The following MYO5B variants were observed in gnomAD, a reference collection of about 807,000 sequenced individuals.
The protein encoded by MYO5B is myosin VB, also known as unconventional myosin-Vb.
A neutral mutation model predicts 229.3 loss-of-function variants in MYO5B; 143 were observed. That is an observed-to-expected ratio of 0.62 (90% CI 0.54 to 0.72). The LOEUF (loss-of-function observed/expected upper bound fraction) is 0.72. Among genes scored for constraint, MYO5B ranks in the 30% least tolerant of loss-of-function variants. The pLI, the probability that MYO5B is intolerant of heterozygous loss-of-function variation, is 0.00. For missense variants in MYO5B, 2,321 were observed against 2,331.0 expected, an observed-to-expected ratio of 1.00 and a Z score of 0.09; for synonymous variants, 918 against 885.2, an observed-to-expected ratio of 1.04 and a Z score of -0.66.
intron 1 of MYO5B, among the ~76,000 whole-genome samples, chr18:50,127,147 GCTAGTTAGAGCCCC>G (rs1568117237): frequency 6.6e-6 from 1 of 152,144 alleles, no homozygotes; most frequent in East Asian, 1.9e-4. Context: ...AGTTTACATT[GCTAGTTAGAGCCCC>G]CTACTCTTCC....
At chr18:50,026,695 C>T (rs966805260) in intron 4 of MYO5B, among the ~76,000 whole-genome samples, 3 of 152,204 alleles carry the variant, frequency 2.0e-5, no homozygotes, top group African/African-American at 4.8e-5. Context: ...ATGAGGGATA[C>T]GACACCTATG....
chr18:49,944,490 C>G (rs1350195570), intron 14 of MYO5B, among the ~76,000 whole-genome samples: 1 of 152,102 alleles, frequency 6.6e-6, no homozygotes, highest in Non-Finnish European at 1.5e-5. Flanking sequence ...TAGCAGTGAG[C>G]TCAGAAGTAA....
chr18:49,957,960 C>G (rs1448235837), intron 12 of MYO5B, among the ~76,000 whole-genome samples: 1 of 152,186 alleles, frequency 6.6e-6, no homozygotes, highest in African/African-American at 2.4e-5. Context: ...GTCCTCACTG[C>G]TCTCTAGAAT....
chr18:50,090,234 A>G (rs965311737), intron 1 of MYO5B, among the ~76,000 whole-genome samples: 2 of 151,306 alleles, frequency 1.3e-5, no homozygotes, highest in Non-Finnish European at 2.9e-5. Flanking sequence ...CACCATCTAC[A>G]GGGGAAGCTG....
intron 1 of MYO5B, among the ~76,000 whole-genome samples, chr18:50,185,409 T>C (rs2033134714): frequency 6.6e-6 from 1 of 152,316 alleles, no homozygotes; most frequent in African/African-American, 2.4e-5. Flanking sequence ...TAAATGTGCA[T>C]GCCAGCAATT....
chr18:49,943,982 T>C (rs925080856), intron 14 of MYO5B, among the ~76,000 whole-genome samples: 1 of 152,068 alleles, frequency 6.6e-6, no homozygotes, highest in Non-Finnish European at 1.5e-5. Context: ...GCTCTGTGCA[T>C]TCGGGGGGCT....
At chr18:50,066,056 G>C (rs1178720914) in intron 1 of MYO5B, among the ~76,000 whole-genome samples, 1 of 152,144 alleles carries the variant, frequency 6.6e-6, no homozygotes, top group Non-Finnish European at 1.5e-5. Flanking sequence ...TCACATTACA[G>C]ATTTTTTTGA....
chr18:50,070,018 C>CTTTTTT lies in MYO5B; in HGVS notation c.28-14646_28-14641dup, dbSNP rs765610800. ...CTTACCTGAAATATTGCAATTTAGT[C>CTTTTTT]TTTTTTTTTTTTTTTTTTTTTGAGA... On this transcript the variant is annotated intron_variant, in intron 1 of 39. Transcript: ENST00000285039. 6.1e-3 allele frequency among the ~76,000 whole-genome samples: 673 copies of CTTTTTT among 110,036 alleles called. 21 individuals are homozygous for CTTTTTT. The highest frequency in any genetic ancestry group is 0.024 in the African/African-American group (635 of 26,476). 72.2% of individuals were successfully genotyped at this position (110,036 alleles called of 152,430 possible).
rs781662717 is a variant in MYO5B at position 49,980,560 on chromosome 18, A to C, written c.947-7T>G. ...TGATGGGACTCTTTCACTCCTGGAA[A>C]AGAAAAATGAATGGATGACACTCAG... On this transcript the variant is annotated splice_region_variant and splice_polypyrimidine_tract_variant and intron_variant, in intron 8 of 39. Coordinates refer to ENST00000285039, the MANE Select transcript of MYO5B (RefSeq NM_001080467.3). The C allele has an allele frequency of 7.0e-6, 11 of 1,571,892 alleles. No homozygotes were observed. Among genetic ancestry groups the C allele is most frequent in the Non-Finnish European group, 9.6e-6 (11 of 1,141,600 alleles).
intron 1 of MYO5B, among the ~76,000 whole-genome samples, chr18:50,128,350 C>T (rs1259072682): frequency 6.6e-6 from 1 of 152,174 alleles, no homozygotes; most frequent in Non-Finnish European, 1.5e-5. Flanking sequence ...CTGTGAGGTG[C>T]AACAGCTGAT....
In MYO5B at chr18:50,109,215, A is replaced by C. The variant is rs1172193699; in HGVS notation, c.28-53837T>G. Among the ~76,000 whole-genome samples, 5 of 152,340 alleles carry C rather than the reference A, an allele frequency of 3.3e-5. No individual in the cohort carries two copies. In the East Asian group the frequency reaches 9.6e-4, roughly 29 times the overall value. ...TGGCAACTGAATCCCAGCCAAGACTAGAAGCTACATGACAGACCACATACC... is the reference window on the plus strand; with the variant it reads ...TGGCAACTGAATCCCAGCCAAGACTCGAAGCTACATGACAGACCACATACC... On this transcript the variant is annotated intron_variant, in intron 1 of 39. Coordinates refer to ENST00000285039, the MANE Select transcript of MYO5B (RefSeq NM_001080467.3).
At chr18:50,111,106 A>C (rs1476606568) in intron 1 of MYO5B, among the ~76,000 whole-genome samples, 1 of 152,232 alleles carries the variant, frequency 6.6e-6, no homozygotes, top group African/African-American at 2.4e-5. Flanking sequence ...CAAATAGGCA[A>C]AAAAAGAAGA....
chr18:49,843,736 C>A (rs535367927), intron 33 of MYO5B, among the ~76,000 whole-genome samples: 1 of 152,178 alleles, frequency 6.6e-6, no homozygotes, highest in Non-Finnish European at 1.5e-5. Flanking sequence ...CCAACAGGGG[C>A]CCATGGCAAG....
chr18:49,854,786 G>A (rs1304513955), intron 30 of MYO5B, among the ~76,000 whole-genome samples: 1 of 152,174 alleles, frequency 6.6e-6, no homozygotes. Context: ...TTTGGGAGGT[G>A]AGAATTATCA....
chr18:49,938,020 T>C (rs1351312253), intron 14 of MYO5B, among the ~76,000 whole-genome samples: 1 of 152,188 alleles, frequency 6.6e-6, no homozygotes, highest in Non-Finnish European at 1.5e-5. Context: ...ATTTTTTAAA[T>C]GGTAGGAAAA....
Position 50,040,142 on chromosome 18 carries a change from C to T in MYO5B, c.310+1G>A. 1 of 1,614,104 alleles carries T rather than the reference C, an allele frequency of 6.2e-7. No individual in the cohort carries two copies. The highest frequency in any genetic ancestry group is 8.5e-7 in the Non-Finnish European group (1 of 1,180,006). On this transcript the variant is annotated splice_donor_variant, in intron 3 of 39. Coordinates refer to ENST00000285039, the MANE Select transcript of MYO5B (RefSeq NM_001080467.3). LOFTEE classifies it high-confidence loss of function. Reference sequence around the variant, plus strand: ...GCAGCCAACAGATGCCCCCCACTTACCACAGTAAGTGTAGATATGGTTGGA... The same window carrying T: ...GCAGCCAACAGATGCCCCCCACTTATCACAGTAAGTGTAGATATGGTTGGA...
In MYO5B at chr18:49,847,252, A is replaced by T; in HGVS notation, c.4353T>A (p.His1451Gln). ...QALAQSERKRHELNRQVTVQR... is the reference protein window; with the variant it reads ...QALAQSERKRQELNRQVTVQR... ...GGACCGTGACCTGCCTGTTGAGCTCATGGCGCTTCCTCTCACTCTGGGCCA... is the reference window on the plus strand; with the variant it reads ...GGACCGTGACCTGCCTGTTGAGCTCTTGGCGCTTCCTCTCACTCTGGGCCA... The change falls in exon 33 of 40, where the codon CAT (histidine) becomes CAA (glutamine). Residue 1451 changes from histidine (H) to glutamine (Q), a missense_variant. By Grantham distance (24) the His-to-Gln change is conservative. Around this residue, in one of 2 missense-constraint regions of MYO5B, gnomAD observed 2,113 missense variants for 2,044.7 expected, o/e 1.03. Coordinates refer to ENST00000285039, the MANE Select transcript of MYO5B (RefSeq NM_001080467.3). 6.2e-7 allele frequency: 1 copy of T among 1,613,518 alleles called. No homozygotes were observed. Among genetic ancestry groups the T allele is most frequent in the Non-Finnish European group, 8.5e-7 (1 of 1,179,668 alleles).
At chr18:49,865,289 G>GCCAGGGCTCCTGACTCCTGGT in intron 27 of MYO5B, among the ~76,000 whole-genome samples, 1 of 152,130 alleles carries the variant, frequency 6.6e-6, no homozygotes, top group African/African-American at 2.4e-5. Context: ...AGGACAGAGG[G>GCCAGGGCTCCTGACTCCTGGT]CCAGGGCTCC....
intron 16 of MYO5B, among the ~76,000 whole-genome samples, chr18:49,935,921 C>G (rs1385489075): frequency 2.0e-5 from 3 of 152,220 alleles, no homozygotes; most frequent in Non-Finnish European, 4.4e-5. Context: ...CCTGACCACT[C>G]CAGCAACCTT....
Sources: gnomAD v4.1 joint callset for allele counts (sites outside exome capture counted in the v4.1 genomes callset) on GRCh38, gnomAD v4.1.1 for gene constraint, gnomAD v4.1.1 regional missense constraint, MANE v1.5 for transcripts, NCBI Gene and HGNC (gene_info 2026-07-23, HGNC 2026-07-21) for gene names.